CDH4: variants seen among roughly 807,000 people sequenced by gnomAD.
CDH4 encodes cadherin-4.
In CDH4, 33 loss-of-function variants were observed where a neutral mutation model predicts 86.0. That is an observed-to-expected ratio of 0.38 (90% CI 0.29 to 0.51). The LOEUF is 0.51. Ranked by LOEUF, CDH4 falls within the 20% of genes least tolerant of loss-of-function variation. The pLI is 0.86. For synonymous variants in CDH4, 555 were observed against 549.4 expected (o/e 1.01, Z -0.14); for missense variants, 1,114 against 1,307.4 (o/e 0.85, Z 2.28).
chr20:61,804,476 C>G (rs914185365), intron 4 of CDH4, among the ~76,000 whole-genome samples: 1 of 152,222 alleles, frequency 6.6e-6, no homozygotes, highest in Admixed American at 6.5e-5. Flanking sequence ...TCAGCCACAC[C>G]CGGGGGGCAG....
rs1020134263 is a variant in CDH4 at position 61,709,563 on chromosome 20, A to T, written c.170-34000A>T. Among the ~76,000 whole-genome samples the T allele has an allele frequency of 5.4e-4, 81 of 151,322 alleles. No homozygotes were observed. The highest frequency in any genetic ancestry group is 1.8e-3 in the African/African-American group (74 of 41,298). On this transcript the variant is annotated intron_variant, in intron 2 of 15. Transcript: ENST00000614565. The surrounding 1 kb of genome is among the most constrained non-coding windows in gnomAD (Gnocchi z 4.8). ...AATGCTGGGATTACAGGCATGAGCC[A>T]CTGTGCCTGGCAATTTTTGAATGAC...
At chr20:61,513,450 C>G (rs575566341) in intron 2 of CDH4, among the ~76,000 whole-genome samples, 3 of 152,168 alleles carry the variant, frequency 2.0e-5, no homozygotes, top group Non-Finnish European at 4.4e-5. Context: ...TCACAGCAAC[C>G]CCACAGGCCA....
At chr20:61,694,834 T>C (rs1050653642) in intron 2 of CDH4, among the ~76,000 whole-genome samples, 1 of 152,230 alleles carries the variant, frequency 6.6e-6, no homozygotes, top group Non-Finnish European at 1.5e-5. Context: ...AAGCCTGCTC[T>C]GCCGAGCGCT....
At chr20:61,858,535 G>A (rs998438593) in intron 6 of CDH4, among the ~76,000 whole-genome samples, 2 of 151,592 alleles carry the variant, frequency 1.3e-5, no homozygotes, top group Admixed American at 6.6e-5. Flanking sequence ...GTGTGTCTGC[G>A]TCTGTGTGTG....
At chr20:61,699,233 G>A (rs1175778201) in intron 2 of CDH4, among the ~76,000 whole-genome samples, 3 of 152,232 alleles carry the variant, frequency 2.0e-5, no homozygotes, top group South Asian at 2.1e-4. Flanking sequence ...TAAAGGTCAC[G>A]GTGGCTGTAA....
At chr20:61,541,250 C>T (rs769891744) in intron 2 of CDH4, among the ~76,000 whole-genome samples, 8 of 152,180 alleles carry the variant, frequency 5.3e-5, no homozygotes, top group South Asian at 2.1e-4. Context: ...CCACTGTGCA[C>T]GTGCATTAAC....
intron 2 of CDH4, among the ~76,000 whole-genome samples, chr20:61,428,655 C>T (rs1017490354): frequency 2.0e-5 from 3 of 152,112 alleles, no homozygotes; most frequent in African/African-American, 7.2e-5. Flanking sequence ...TGGAAGGTGC[C>T]GGGATGGGCG....
At position 61,708,090 on chromosome 20, in the gene CDH4, G is replaced by A. The variant is rs1009154023; in HGVS notation, c.170-35473G>A. Among the ~76,000 whole-genome samples the A allele has an allele frequency of 1.3e-5, 2 of 152,138 alleles. No homozygotes were observed. Among genetic ancestry groups the A allele is most frequent in the African/African-American group, 4.8e-5 (2 of 41,428 alleles). ...GACCCAGGACCTGGGCTCTGCTGGGGGTCCCGGGCTGTGGCGCGTCTCCCT... is the reference window on the plus strand; with the variant it reads ...GACCCAGGACCTGGGCTCTGCTGGGAGTCCCGGGCTGTGGCGCGTCTCCCT... On this transcript the variant is annotated intron_variant, in intron 2 of 15. Transcript: ENST00000614565. This position sits in a 1 kb window ranked among gnomAD's most constrained non-coding sequence, Gnocchi z 4.5.
At chr20:61,537,479 C>T (rs2086005791) in intron 2 of CDH4, among the ~76,000 whole-genome samples, 1 of 152,176 alleles carries the variant, frequency 6.6e-6, no homozygotes, top group Non-Finnish European at 1.5e-5. Context: ...CTGGGGACCG[C>T]AACCTCACAG....
intron 4 of CDH4, among the ~76,000 whole-genome samples, chr20:61,787,645 T>C (rs1978954561): frequency 6.6e-6 from 1 of 152,190 alleles, no homozygotes; most frequent in East Asian, 1.9e-4. Flanking sequence ...CCAGCCCTCA[T>C]GGAGTTTATG....
intron 4 of CDH4, among the ~76,000 whole-genome samples, chr20:61,836,022 C>T (rs1981858538): frequency 6.6e-6 from 1 of 152,218 alleles, no homozygotes; most frequent in South Asian, 2.1e-4. Context: ...GATCCCAGGG[C>T]TCTGGGTCTT....
At chr20:61,832,059 C>G (rs1028454320) in intron 4 of CDH4, among the ~76,000 whole-genome samples, 1 of 152,254 alleles carries the variant, frequency 6.6e-6, no homozygotes. Context: ...GCTGCCAACC[C>G]AGGCCTGGTA....
At chr20:61,932,147 C>T (rs1357539761) in intron 13 of CDH4, among the ~76,000 whole-genome samples, 3 of 152,194 alleles carry the variant, frequency 2.0e-5, no homozygotes, top group African/African-American at 7.2e-5. Flanking sequence ...CTCACTTCCA[C>T]CTCCTCTGAC....
chr20:61,761,824 C>G (rs1477194198), intron 3 of CDH4, among the ~76,000 whole-genome samples: 1 of 152,216 alleles, frequency 6.6e-6, no homozygotes, highest in Admixed American at 6.5e-5. Flanking sequence ...GCTCTTCTCC[C>G]TGCATCCCCA....
intron 11 of CDH4, among the ~76,000 whole-genome samples, chr20:61,927,671 G>C (rs2055058980): frequency 1.3e-5 from 2 of 152,354 alleles, no homozygotes; most frequent in South Asian, 4.1e-4. Flanking sequence ...GATGTGGTGG[G>C]CGGATCCCAG....
intron 3 of CDH4, among the ~76,000 whole-genome samples, chr20:61,748,085 G>A (rs921922627): frequency 1.3e-5 from 2 of 152,186 alleles, no homozygotes; most frequent in African/African-American, 4.8e-5. Flanking sequence ...CAGGAGCTGG[G>A]GCGTTGTGGG....
intron 2 of CDH4, among the ~76,000 whole-genome samples, chr20:61,659,612 G>A (rs1319539416): frequency 2.0e-5 from 3 of 150,236 alleles, no homozygotes; most frequent in African/African-American, 7.5e-5. Flanking sequence ...TTGGAGGCAG[G>A]AGGAGGGTGG....
intron 2 of CDH4, among the ~76,000 whole-genome samples, chr20:61,415,817 A>G (rs2085143834): frequency 6.6e-6 from 1 of 152,026 alleles, no homozygotes; most frequent in African/African-American, 2.4e-5. Context: ...CTTGTGTCTT[A>G]GCCTCCCGAG....
rs890611968 is a variant in CDH4 at position 61,622,054 on chromosome 20, G to A, written c.170-121509G>A. Among the ~76,000 whole-genome samples, 19 of 152,298 alleles carry A rather than the reference G, an allele frequency of 1.2e-4. 1 individual carries two copies. Among genetic ancestry groups the A allele is most frequent in the African/African-American group, 4.3e-4 (18 of 41,564 alleles). The stretch of plus-strand genomic sequence containing the variant: ...TCACAGTTGCGTCTTGCCCTATCAC[G>A]GCAGGCCTCCTATTAGGATCAATAC... On this transcript the variant is annotated intron_variant, in intron 2 of 15. Transcript: ENST00000614565.
Sources: gnomAD v4.1 joint callset for allele counts (sites outside exome capture counted in the v4.1 genomes callset) on GRCh38, gnomAD v4.1.1 for gene constraint, Gnocchi (gnomAD v3.1) non-coding constraint, MANE v1.5 for transcripts, NCBI Gene and HGNC (gene_info 2026-07-23, HGNC 2026-07-21) for gene names.